LRRTM4: variants seen among roughly 807,000 people sequenced by gnomAD.
LRRTM4 encodes leucine-rich repeat transmembrane neuronal protein 4.
Under a neutral mutation model 47.6 loss-of-function variants are expected in LRRTM4, and 25 were observed. The ratio of observed to expected loss-of-function variants is 0.53; its 90% CI spans 0.38 to 0.73. LRRTM4 has a LOEUF of 0.73. Ranked by LOEUF, LRRTM4 falls within the 30% of genes least tolerant of loss-of-function variation. LRRTM4 has a pLI of 0.00. For missense variants in LRRTM4, 638 were observed against 713.4 expected (o/e 0.89, Z 1.20); for synonymous variants, 311 against 269.5 (o/e 1.15, Z -1.51).
chr2:77,421,850 A>G (rs1674909671), intron 3 of LRRTM4, among the ~76,000 whole-genome samples: 2 of 152,230 alleles, frequency 1.3e-5, no homozygotes, highest in Non-Finnish European at 1.5e-5. Flanking sequence ...ACAATCATGC[A>G]ATGAATAACG....
At chr2:77,398,721 G>A (rs913325647) in intron 3 of LRRTM4, among the ~76,000 whole-genome samples, 1 of 151,794 alleles carries the variant, frequency 6.6e-6, no homozygotes, top group South Asian at 2.1e-4. Context: ...CCCTGAGAAT[G>A]ACCCCGTATG....
At chr2:77,012,942 G>A (rs1383590085) in intron 3 of LRRTM4, among the ~76,000 whole-genome samples, 1 of 152,098 alleles carries the variant, frequency 6.6e-6, no homozygotes, top group Admixed American at 6.6e-5. Context: ...GTAGGCCTAT[G>A]GCACATCCTA....
intron 3 of LRRTM4, among the ~76,000 whole-genome samples, chr2:77,425,567 G>A (rs1211126153): frequency 6.6e-6 from 1 of 152,014 alleles, no homozygotes; most frequent in East Asian, 1.9e-4. Context: ...TCTAAAGATT[G>A]TTTTCTTTTC....
intron 3 of LRRTM4, among the ~76,000 whole-genome samples, chr2:77,052,046 A>C (rs575489324): frequency 6.6e-6 from 1 of 151,974 alleles, no homozygotes; most frequent in Non-Finnish European, 1.5e-5. Flanking sequence ...GTGTCTGAAG[A>C]CATTTTGACC....
chr2:77,046,054 T>C (rs1679225237), intron 3 of LRRTM4, among the ~76,000 whole-genome samples: 2 of 151,974 alleles, frequency 1.3e-5, no homozygotes, highest in African/African-American at 4.8e-5. Context: ...ACATTCCACA[T>C]TCTGGATTTG....
At chr2:77,464,280 A>G (rs1676899982) in intron 3 of LRRTM4, among the ~76,000 whole-genome samples, 1 of 152,116 alleles carries the variant, frequency 6.6e-6, no homozygotes, top group Non-Finnish European at 1.5e-5. Context: ...GTTGACAATG[A>G]AATCACTTTC....
intron 3 of LRRTM4, among the ~76,000 whole-genome samples, chr2:76,812,138 T>C (rs1670752815): frequency 6.6e-6 from 1 of 152,138 alleles, no homozygotes; most frequent in Non-Finnish European, 1.5e-5. Context: ...GGTAACTGAA[T>C]AATAAACACA....
At chr2:76,869,689 T>G (rs2104046361) in intron 3 of LRRTM4, among the ~76,000 whole-genome samples, 1 of 152,204 alleles carries the variant, frequency 6.6e-6, no homozygotes, top group Admixed American at 6.5e-5. Context: ...AAATACAATA[T>G]AACTGGAGGC....
Position 76,788,560 on chromosome 2 carries a change from TAA to T in LRRTM4, c.1552-39646_1552-39645del, listed in dbSNP as rs1244547663. ...GAGATTAATGATAGCCAAGGAAAAA[TAA>T]GAGAGATAATTTCAGAATAAGTGCA... On this transcript the variant is annotated intron_variant, in intron 3 of 3. Coordinates refer to ENST00000409884, the MANE Select transcript of LRRTM4 (RefSeq NM_001134745.3). 9.9e-5 allele frequency among the ~76,000 whole-genome samples: 15 copies of T among 152,148 alleles called. No individual in the cohort carries two copies. The South Asian group carries it at 2.7e-3, about 27-fold the overall frequency.
chr2:76,865,513 G>A (rs1270926073), intron 3 of LRRTM4, among the ~76,000 whole-genome samples: 1 of 152,136 alleles, frequency 6.6e-6, no homozygotes, highest in Non-Finnish European at 1.5e-5. Flanking sequence ...TTTTATCAGA[G>A]AAAGTATTAG....
At chr2:76,832,769 T>C (rs1205815557) in intron 3 of LRRTM4, among the ~76,000 whole-genome samples, 4 of 151,996 alleles carry the variant, frequency 2.6e-5, no homozygotes, top group Admixed American at 6.6e-5. Context: ...TAAAAACTTC[T>C]AAAACAAAGA....
chr2:77,300,662 A>G (rs1677112148), intron 3 of LRRTM4, among the ~76,000 whole-genome samples: 1 of 152,210 alleles, frequency 6.6e-6, no homozygotes. Flanking sequence ...GCATATCTTC[A>G]TGTATTGATT....
chr2:76,796,088 G>A (rs185748001), intron 3 of LRRTM4, among the ~76,000 whole-genome samples: 1,701 of 133,074 alleles, frequency 0.013, 102 homozygotes, highest in Non-Finnish European at 0.02. Context: ...ACTCCCACCC[G>A]AATACTGCGC....
At chr2:77,175,490 C>G (rs886981509) in intron 3 of LRRTM4, among the ~76,000 whole-genome samples, 1 of 152,094 alleles carries the variant, frequency 6.6e-6, no homozygotes, top group East Asian at 1.9e-4. Flanking sequence ...TTGCTCCTTG[C>G]TCTCCTAGGA....
At chr2:76,796,825 A>C (rs1675355356) in intron 3 of LRRTM4, among the ~76,000 whole-genome samples, 1 of 152,142 alleles carries the variant, frequency 6.6e-6, no homozygotes, top group Admixed American at 6.5e-5. Flanking sequence ...TGAGTGAAGA[A>C]GGCAGACGCC....
intron 3 of LRRTM4, among the ~76,000 whole-genome samples, chr2:77,160,539 A>G (rs1672684162): frequency 6.6e-6 from 1 of 152,116 alleles, no homozygotes; most frequent in Non-Finnish European, 1.5e-5. Flanking sequence ...CTTTACTGAC[A>G]AGAGATTTCC....
intron 3 of LRRTM4, among the ~76,000 whole-genome samples, chr2:77,162,774 G>T (rs1199054125): frequency 6.6e-6 from 1 of 152,138 alleles, no homozygotes; most frequent in African/African-American, 2.4e-5. Context: ...CTGTTAGAAG[G>T]AAAACTAACA....
At chr2:77,046,513 C>T (rs1421932428) in intron 3 of LRRTM4, among the ~76,000 whole-genome samples, 1 of 151,924 alleles carries the variant, frequency 6.6e-6, no homozygotes, top group Non-Finnish European at 1.5e-5. Flanking sequence ...CAGACAGTCT[C>T]AATGATGATG....
chr2:77,034,946 G>C (rs2104153775), intron 3 of LRRTM4, among the ~76,000 whole-genome samples: 1 of 151,892 alleles, frequency 6.6e-6, no homozygotes, highest in South Asian at 2.1e-4. Context: ...ATAAAGGCAA[G>C]ATATTTCACA....
Sources: allele counts gnomAD v4.1 joint callset (sites outside exome capture counted in the v4.1 genomes callset), GRCh38; gene constraint gnomAD v4.1.1; transcripts MANE v1.5; gene names NCBI Gene and HGNC (gene_info 2026-07-23, HGNC 2026-07-21).